CCDC180: variants seen among roughly 807,000 people sequenced by gnomAD.
CCDC180 encodes the protein coiled-coil domain containing 180, also known as coiled-coil domain-containing protein 180.
CCDC180 carries 154 observed loss-of-function variants against 209.2 expected under a neutral mutation model. That is an observed-to-expected ratio of 0.74 (90% CI 0.65 to 0.84). The LOEUF (loss-of-function observed/expected upper bound fraction) is 0.84. CCDC180 is among the 40% of genes least tolerant of loss of function. The pLI is 0.00. For synonymous variants in CCDC180, 778 were observed against 749.1 expected, an observed-to-expected ratio of 1.04 and a Z score of -0.63; for missense variants, 1,874 against 1,997.3, an observed-to-expected ratio of 0.94 and a Z score of 1.18.
intron 18 of CCDC180, among the ~76,000 whole-genome samples, chr9:97,336,331 A>C (rs1321373351): frequency 6.6e-6 from 1 of 152,112 alleles, no homozygotes; most frequent in Admixed American, 6.6e-5. Flanking sequence ...TCTTGAATTA[A>C]TTTTTGTGTA....
At position 97,314,902 on chromosome 9, in the gene CCDC180, C is replaced by T; in HGVS notation, c.751C>T (p.Leu251Phe). ...AGAAGTCATAGAGAAAACTTCCTAC[C>T]TCATGCGGCCCGAAGTGTACAGGCT... is the stretch of plus-strand genomic sequence containing the variant. ...YAEVIEKTSY[L>F]MRPEVYRLIN... is the part of the protein sequence containing the mutation. Residue 251 changes from leucine (L) to phenylalanine (F), a missense_variant, in exon 8 of 37, where the codon CTC (leucine) becomes TTC (phenylalanine). Transcript: ENST00000529487. The T allele has an allele frequency of 5.0e-6, 8 of 1,614,126 alleles. No individual in the cohort carries two copies. Among genetic ancestry groups the T allele is most frequent in the Non-Finnish European group, 6.8e-6 (8 of 1,179,994 alleles).
rs1400240796 is a variant in CCDC180, at chr9:97,375,460, G to T, written c.4713G>T (p.Trp1571Cys). 3 of 1,614,180 alleles carry T rather than the reference G, an allele frequency of 1.9e-6. No homozygotes were observed. Among genetic ancestry groups the T allele is most frequent in the East Asian group, 2.2e-5 (1 of 44,888 alleles). Residue 1571 changes from tryptophan to cysteine, a missense_variant, in exon 36 of 37, where the codon TGG becomes TGT. Transcript: ENST00000529487. ...CACACATGTTTGTTTGTAGGAAGTG[G>T]CCAGGGATCAAACCCACCGAAGTCA... ...KPLIERGSRK[W>C]PGIKPTEVTI...
intron 14 of CCDC180, among the ~76,000 whole-genome samples, chr9:97,326,051 A>G (rs1833522249): frequency 6.6e-6 from 1 of 152,228 alleles, no homozygotes; most frequent in Non-Finnish European, 1.5e-5. Context: ...CTTATTACAG[A>G]CAAACATGTC....
chr9:97,307,746 G>T lies in CCDC180; in HGVS notation c.-142G>T. On this transcript the variant is annotated 5_prime_UTR_variant, in exon 1 of 37. Coordinates refer to ENST00000529487, the MANE Select transcript of CCDC180 (RefSeq NM_020893.6). ...TATTCGCGTTCCCAGAGTCCCTTCG[G>T]ATTTGCGCCATGCGCGGCGGGGAGA... is the stretch of plus-strand genomic sequence containing the variant. 4 of 1,614,200 alleles carry T rather than the reference G, an allele frequency of 2.5e-6. No individual in the cohort carries two copies. The highest frequency in any genetic ancestry group is 3.4e-6 in the Non-Finnish European group (4 of 1,180,008).
chr9:97,350,358 C>T (rs1348809512), intron 21 of CCDC180, 51 bp from the exon 22 acceptor site: 3 of 1,519,654 alleles, frequency 2.0e-6, no homozygotes, highest in Non-Finnish European at 2.6e-6. Context: ...CCTCCCTTGT[C>T]CCCCAGGGTT....
chr9:97,361,281 G>A (rs902453740), intron 26 of CCDC180, among the ~76,000 whole-genome samples: 1 of 152,200 alleles, frequency 6.6e-6, no homozygotes, highest in Non-Finnish European at 1.5e-5. Flanking sequence ...CAAAAACATT[G>A]ACCGGGCACA....
intron 20 of CCDC180, among the ~76,000 whole-genome samples, chr9:97,348,397 A>T (rs774425065): frequency 2.0e-5 from 3 of 152,154 alleles, no homozygotes; most frequent in Non-Finnish European, 4.4e-5. Flanking sequence ...AATAAAAAGG[A>T]TTCTATGTGC....
At chr9:97,332,279 A>C (rs143045150) in intron 18 of CCDC180, among the ~76,000 whole-genome samples, 15 of 152,172 alleles carry the variant, frequency 9.9e-5, no homozygotes, top group African/African-American at 2.9e-4. Context: ...GTAGACCTGT[A>C]GTATAGTTTG....
intron 10 of CCDC180, 135 bp downstream of exon 10, chr9:97,318,717 G>A: frequency 8.2e-7 from 1 of 1,225,732 alleles, no homozygotes; most frequent in Non-Finnish European, 1.1e-6. Flanking sequence ...GCCCTGGGCT[G>A]GCCACCTGGA....
At chr9:97,332,410 T>C (rs1339612895) in intron 18 of CCDC180, among the ~76,000 whole-genome samples, 1 of 152,172 alleles carries the variant, frequency 6.6e-6, no homozygotes, top group East Asian at 1.9e-4. Flanking sequence ...GTGAAGAATG[T>C]CATTAGTAGT....
chr9:97,346,976 A>G (rs1826277703), intron 19 of CCDC180, among the ~76,000 whole-genome samples: 1 of 152,240 alleles, frequency 6.6e-6, no homozygotes, highest in Admixed American at 6.5e-5. Context: ...GACTGTGGAG[A>G]AATAGGAACA....
intron 18 of CCDC180, among the ~76,000 whole-genome samples, chr9:97,335,568 C>T (rs1336781945): frequency 6.6e-6 from 1 of 152,114 alleles, no homozygotes; most frequent in African/African-American, 2.4e-5. Context: ...TTTCTTAATC[C>T]AGTCTATCAT....
intron 22 of CCDC180, among the ~76,000 whole-genome samples, chr9:97,353,356 GCTTA>G (rs1158331878): frequency 1.3e-5 from 2 of 152,122 alleles, no homozygotes; most frequent in Non-Finnish European, 2.9e-5. Context: ...ATATTTTGAA[GCTTA>G]CTTTTTATTC....
At position 97,317,050 on chromosome 9, in the gene CCDC180, C is replaced by T. The variant is rs1366515935; in HGVS notation, c.796-15C>T. 8 of 1,600,854 alleles carry T rather than the reference C, an allele frequency of 5.0e-6. No individual in the cohort carries two copies. The South Asian group carries it at 5.6e-5, about 11-fold the overall frequency. ...ACCCTGCCCTGTCTAGAGCCCTGCCCATCTGTGACCACAGGTCATGAACTA... is the reference window on the plus strand; with the variant it reads ...ACCCTGCCCTGTCTAGAGCCCTGCCTATCTGTGACCACAGGTCATGAACTA... On this transcript the variant is annotated splice_polypyrimidine_tract_variant and intron_variant, in intron 8 of 36. Transcript: ENST00000529487.
At chr9:97,371,054 C>A (rs868496501) in intron 33 of CCDC180, 6 of 187,130 alleles carry the variant, frequency 3.2e-5, no homozygotes, top group Non-Finnish European at 6.1e-5. Flanking sequence ...AGCTCCGCTT[C>A]CCGGGTTCAC....
chr9:97,371,438 C>A (rs1443277142), intron 33 of CCDC180, 157 bp from the exon 34 acceptor site: 3 of 481,016 alleles, frequency 6.2e-6, no homozygotes, highest in African/African-American at 5.7e-5. Context: ...TTGGGAGAGG[C>A]CTCCTGGCTG....
intron 2 of CCDC180, 41 bp downstream of exon 2, chr9:97,308,173 C>T (rs376255321): frequency 6.6e-7 from 1 of 1,504,664 alleles, no homozygotes; most frequent in African/African-American, 1.4e-5. Flanking sequence ...CATCCCCCTT[C>T]CCTTGCTTTC....
intron 26 of CCDC180, 89 bp downstream of exon 26, chr9:97,360,190 G>GA: frequency 6.7e-7 from 1 of 1,499,984 alleles, no homozygotes; most frequent in Non-Finnish European, 9.0e-7. Flanking sequence ...GAGCCAAAGG[G>GA]AAGAGGGGAC....
At chr9:97,346,658 G>C (rs1172209846) in intron 19 of CCDC180, among the ~76,000 whole-genome samples, 1 of 152,202 alleles carries the variant, frequency 6.6e-6, no homozygotes, top group East Asian at 1.9e-4. Flanking sequence ...TGTCGCCCAG[G>C]CTGGAGTTCA....
Sources: allele counts gnomAD v4.1 joint callset (sites outside exome capture counted in the v4.1 genomes callset), GRCh38; gene constraint gnomAD v4.1.1; transcripts MANE v1.5; gene names NCBI Gene and HGNC (gene_info 2026-07-23, HGNC 2026-07-21).